KCNN2: variants seen among roughly 807,000 people sequenced by gnomAD.
KCNN2 encodes potassium calcium-activated channel subfamily N member 2.
In KCNN2, 24 loss-of-function variants were observed where a neutral mutation model predicts 55.5. The observed-to-expected ratio is 0.43, with a 90% confidence interval of 0.31 to 0.61. The LOEUF is 0.61. Among genes scored for constraint, KCNN2 ranks in the 20% least tolerant of loss-of-function variants. The pLI, the probability that KCNN2 is intolerant of heterozygous loss-of-function variation, is 0.08. For missense variants in KCNN2, 754 were observed against 853.6 expected, an observed-to-expected ratio of 0.88 and a Z score of 1.45; for synonymous variants, 431 against 336.1, an observed-to-expected ratio of 1.28 and a Z score of -3.09.
At chr5:114,092,644 G>A (rs775539412) in intron 1 of KCNN2, among the ~76,000 whole-genome samples, 2 of 152,206 alleles carry the variant, frequency 1.3e-5, no homozygotes, top group Non-Finnish European at 2.9e-5. Flanking sequence ...CTGGACATCA[G>A]GCATTTCCTT....
chr5:114,480,930 G>A (rs7706228), intron 5 of KCNN2, among the ~76,000 whole-genome samples: 20,103 of 152,150 alleles, frequency 0.13, 2,375 homozygotes, highest in East Asian at 0.6. Context: ...AAAGCCAGAA[G>A]CATTCCCCTT....
chr5:114,489,280 C>T (rs1034420652), intron 6 of KCNN2, among the ~76,000 whole-genome samples: 6 of 152,182 alleles, frequency 3.9e-5, no homozygotes, highest in African/African-American at 1.2e-4. Flanking sequence ...TAGGTTATTA[C>T]GTTTTTACAT....
chr5:114,368,709 C>T (rs1023920206), intron 2 of KCNN2, among the ~76,000 whole-genome samples: 27 of 152,132 alleles, frequency 1.8e-4, no homozygotes, highest in Non-Finnish European at 8.8e-5. Flanking sequence ...AAGTGAAAGT[C>T]GCATTCTCTC....
intron 2 of KCNN2, among the ~76,000 whole-genome samples, chr5:114,269,629 C>T (rs1191959983): frequency 6.6e-6 from 1 of 152,044 alleles, no homozygotes; most frequent in Non-Finnish European, 1.5e-5. Context: ...TTTTAATACC[C>T]CGTAATGTTC....
At chr5:114,149,947 A>G (rs1052136564) in intron 1 of KCNN2, among the ~76,000 whole-genome samples, 3 of 152,158 alleles carry the variant, frequency 2.0e-5, no homozygotes, top group South Asian at 2.1e-4. Flanking sequence ...GGTGCCCCTC[A>G]TGCGTCCGTT....
intron 3 of KCNN2, among the ~76,000 whole-genome samples, chr5:114,449,119 A>G (rs564577675): frequency 9.9e-5 from 15 of 152,278 alleles, no homozygotes; most frequent in Non-Finnish European, 1.8e-4. Flanking sequence ...ACTTCTTGTC[A>G]CTGAACTTCC....
chr5:114,460,908 T>C (rs1349030556), intron 3 of KCNN2, among the ~76,000 whole-genome samples: 14 of 152,342 alleles, frequency 9.2e-5, no homozygotes. Context: ...AAAAACTGAA[T>C]AGGAAATGAA....
At chr5:114,174,047 A>G (rs1753091465) in intron 1 of KCNN2, among the ~76,000 whole-genome samples, 1 of 152,138 alleles carries the variant, frequency 6.6e-6, no homozygotes, top group Non-Finnish European at 1.5e-5. Flanking sequence ...TAAATTCTAA[A>G]TGAGTATGTT....
chr5:114,225,647 A>C (rs1754225282), intron 2 of KCNN2, among the ~76,000 whole-genome samples: 1 of 152,102 alleles, frequency 6.6e-6, no homozygotes, highest in Admixed American at 6.5e-5. Flanking sequence ...AATTTTGAGA[A>C]CACCAAGGAT....
At chr5:114,478,922 C>A (rs187932940) in intron 5 of KCNN2, among the ~76,000 whole-genome samples, 1 of 152,086 alleles carries the variant, frequency 6.6e-6, no homozygotes, top group African/African-American at 2.4e-5. Context: ...AAGGAAAAGC[C>A]GTTACCACCC....
At chr5:114,430,261 A>G (rs1361649182) in intron 3 of KCNN2, among the ~76,000 whole-genome samples, 1 of 152,036 alleles carries the variant, frequency 6.6e-6, no homozygotes, top group African/African-American at 2.4e-5. Context: ...CTATGAACAT[A>G]GAGTATTTAT....
At position 114,242,788 on chromosome 5, in the gene KCNN2, T is replaced by A. The variant is rs145927933; in HGVS notation, c.-185+21223T>A. Reference sequence around the variant, plus strand: ...GAGAATGCAATATAGGGAAGATAGATTATTAACTTTCTAAAAATGTGGTTC... The same window carrying A: ...GAGAATGCAATATAGGGAAGATAGAATATTAACTTTCTAAAAATGTGGTTC... On this transcript the variant is annotated intron_variant, in intron 2 of 10. Coordinates refer to the KCNN2 transcript ENST00000512097. Among the ~76,000 whole-genome samples, 267 of 152,356 alleles carry A rather than the reference T, an allele frequency of 1.8e-3. 3 individuals carry two copies. In the East Asian group the frequency reaches 0.033, roughly 19 times the overall value.
intron 1 of KCNN2, among the ~76,000 whole-genome samples, chr5:114,059,577 A>T (rs916905296): frequency 3.3e-5 from 5 of 152,210 alleles, no homozygotes; most frequent in Admixed American, 2.0e-4. Flanking sequence ...TGACAGAAGG[A>T]TGCATAAACA....
intron 3 of KCNN2, among the ~76,000 whole-genome samples, chr5:114,439,434 C>CT (rs1384977156): frequency 6.6e-6 from 1 of 152,102 alleles, no homozygotes; most frequent in African/African-American, 2.4e-5. Context: ...GTTAACTACT[C>CT]TTTTTTACGA....
At chr5:114,455,785 T>C (rs181402558) in intron 3 of KCNN2, among the ~76,000 whole-genome samples, 41 of 152,306 alleles carry the variant, frequency 2.7e-4, no homozygotes, top group Non-Finnish European at 4.4e-4. Flanking sequence ...TGGAGAAAGT[T>C]TGAGTAGTCT....
intron 3 of KCNN2, among the ~76,000 whole-genome samples, chr5:114,462,442 C>A (rs1272596932): frequency 2.6e-5 from 4 of 152,074 alleles, no homozygotes; most frequent in Non-Finnish European, 5.9e-5. Context: ...TTTCTGTGTT[C>A]AAGGATGAAG....
At chr5:114,236,876 G>A (rs1307747780) in intron 2 of KCNN2, among the ~76,000 whole-genome samples, 1 of 152,026 alleles carries the variant, frequency 6.6e-6, no homozygotes, top group African/African-American at 2.4e-5. Context: ...AATATTTTGG[G>A]ACTTAATTTT....
At chr5:114,160,385 C>G (rs1295152113) in intron 1 of KCNN2, among the ~76,000 whole-genome samples, 1 of 152,110 alleles carries the variant, frequency 6.6e-6, no homozygotes, top group East Asian at 1.9e-4. Flanking sequence ...GTTATAATTT[C>G]TATTCTTTTA....
chr5:114,175,316 T>C (rs574759738), intron 1 of KCNN2, among the ~76,000 whole-genome samples: 1 of 152,316 alleles, frequency 6.6e-6, no homozygotes, highest in Non-Finnish European at 1.5e-5. Flanking sequence ...AATAACTATA[T>C]ATAAAGACTT....
Sources: allele counts gnomAD v4.1 joint callset (sites outside exome capture counted in the v4.1 genomes callset), GRCh38; gene constraint gnomAD v4.1.1; transcripts MANE v1.5; gene names NCBI Gene and HGNC (gene_info 2026-07-23, HGNC 2026-07-21).